Variants in CEACAM3 observed in about 807,000 individuals in gnomAD.
CEACAM3 encodes cell adhesion molecule CEACAM3.
Under a neutral mutation model 30.1 loss-of-function variants are expected in CEACAM3, and 32 were observed. The ratio of observed to expected loss-of-function variants is 1.06; its 90% CI spans 0.80 to 1.43. CEACAM3 has a LOEUF of 1.43. CEACAM3 is among the 40% of genes most tolerant of loss of function. The pLI, the probability that CEACAM3 is intolerant of heterozygous loss-of-function variation, is 0.00. For missense variants in CEACAM3, 290 were observed against 316.3 expected (o/e 0.92, Z 0.63); for synonymous variants, 134 against 127.2 (o/e 1.05, Z -0.36).
At chr19:41,798,857 T>C (rs1419471865) in intron 2 of CEACAM3, among the ~76,000 whole-genome samples, 1 of 151,414 alleles carries the variant, frequency 6.6e-6, no homozygotes, top group Non-Finnish European at 1.5e-5. Flanking sequence ...TCCTACTTAT[T>C]GAAAAAAAAA....
Position 41,796,636 on chromosome 19 carries a change from G to C in CEACAM3, c.-42G>C. 1.9e-6 allele frequency: 3 copies of C among 1,607,292 alleles called. No individual in the cohort carries two copies. Among genetic ancestry groups the C allele is most frequent in the Non-Finnish European group, 2.6e-6 (3 of 1,173,830 alleles). ...CTGACTACAGCATTCCTGGAGCCCA[G>C]GCTCTTTTCCACAGAGGAGGAAAGA... On this transcript the variant is annotated 5_prime_UTR_variant, in exon 1 of 7. Transcript: ENST00000357396.
rs551102889 is a variant in CEACAM3, at chr19:41,804,916, T to C, written c.425-3897T>C. Among the ~76,000 whole-genome samples, 240 of 152,142 alleles carry C rather than the reference T, an allele frequency of 1.6e-3. 2 individuals are homozygous for C. The highest frequency in any genetic ancestry group is 2.5e-3 in the Non-Finnish European group (171 of 67,986). On this transcript the variant is annotated intron_variant, in intron 2 of 6. Coordinates refer to ENST00000357396, the MANE Select transcript of CEACAM3 (RefSeq NM_001815.5). ...AAATTTTTAAGGGCAAAATGGACTATTACAGATGGAGAATCCCAAATCCAA... is the reference window on the plus strand; with the variant it reads ...AAATTTTTAAGGGCAAAATGGACTACTACAGATGGAGAATCCCAAATCCAA...
chr19:41,804,121 G>T (rs10401370), intron 2 of CEACAM3, among the ~76,000 whole-genome samples: 74,655 of 150,992 alleles, frequency 0.49, 21,097 homozygotes, highest in Middle Eastern at 0.73. Flanking sequence ...TGGAAAAGCA[G>T]ATTCAACTTC....
intron 1 of CEACAM3, 110 bp from the exon 2 acceptor site, chr19:41,797,479 C>A: frequency 7.2e-7 from 1 of 1,396,368 alleles, no homozygotes; most frequent in Non-Finnish European, 9.8e-7. Flanking sequence ...GTGGGACACA[C>A]ATACACTCTC....
At chr19:41,804,414 C>T (rs527540855) in intron 2 of CEACAM3, among the ~76,000 whole-genome samples, 3 of 152,252 alleles carry the variant, frequency 2.0e-5, no homozygotes, top group South Asian at 2.1e-4. Flanking sequence ...TTTCCTGAGG[C>T]GTAAAGAAAA....
chr19:41,803,628 G>A (rs1401664295), intron 2 of CEACAM3, among the ~76,000 whole-genome samples: 5 of 151,854 alleles, frequency 3.3e-5, no homozygotes, highest in Non-Finnish European at 5.9e-5. Flanking sequence ...CACCATGCCC[G>A]GCTAATTTTT....
Position 41,806,596 on chromosome 19 carries a change from T to C in CEACAM3, c.425-2217T>C, listed in dbSNP as rs530567314. The stretch of plus-strand genomic sequence containing the variant: ...CTTCTTCTTTCACAGGCAGGCAGCC[T>C]CACAGTCTCTGAGCCCTCAGACGGT... On this transcript the variant is annotated intron_variant, in intron 2 of 6. Transcript: ENST00000357396. 9.8e-5 allele frequency among the ~76,000 whole-genome samples: 15 copies of C among 152,322 alleles called. 1 individual carries two copies. The South Asian group carries it at 3.1e-3, about 32-fold the overall frequency.
At chr19:41,807,072 G>A (rs782314039) in intron 2 of CEACAM3, 93 of 1,608,584 alleles carry the variant, frequency 5.8e-5, no homozygotes, top group Non-Finnish European at 7.6e-5. Flanking sequence ...GGAATCACAG[G>A]TGCCACACAG....
intron 2 of CEACAM3, chr19:41,807,511 T>C: frequency 7.0e-7 from 1 of 1,418,888 alleles, no homozygotes; most frequent in South Asian, 1.3e-5. Context: ...CATCACTTCC[T>C]GTCCCAAGCA....
chr19:41,802,627 G>C (rs782218216), intron 2 of CEACAM3, among the ~76,000 whole-genome samples: 16 of 152,182 alleles, frequency 1.1e-4, no homozygotes, highest in Non-Finnish European at 2.2e-4. Context: ...TCTTTTGTGA[G>C]TCTTAACTCC....
chr19:41,811,366 GGGCAGGGAGGGATGGGGGTCCCTGAT>G lies in CEACAM3; in HGVS notation c.*131_*156del. ...GTCCTGAGAAGACACTGGTGTCTGG[GGGCAGGGAGGGATGGGGGTCCCTGAT>G]GAATATCTGGAGACCTCGACAGCCT... On this transcript the variant is annotated 3_prime_UTR_variant, in exon 7 of 7. Coordinates refer to ENST00000357396, the MANE Select transcript of CEACAM3 (RefSeq NM_001815.5). 1.3e-6 allele frequency: 1 copy of G among 787,482 alleles called. No individual in the cohort carries two copies. Among genetic ancestry groups the G allele is most frequent in the Non-Finnish European group, 2.1e-6 (1 of 470,176 alleles). 48.8% of individuals were successfully genotyped at this position (787,482 alleles called of 1,614,324 possible). A position where few individuals can be genotyped will look rare whatever the true frequency, so the allele number is the denominator to read the frequency against.
intron 2 of CEACAM3, among the ~76,000 whole-genome samples, chr19:41,802,629 C>G (rs1555826133): frequency 6.6e-6 from 1 of 152,176 alleles, no homozygotes; most frequent in African/African-American, 2.4e-5. Context: ...TTTTGTGAGT[C>G]TTAACTCCTA....
chr19:41,811,038 C>T, intron 6 of CEACAM3, 134 bp from the exon 7 acceptor site: 1 of 1,260,376 alleles, frequency 7.9e-7, no homozygotes, highest in East Asian at 2.4e-5. Flanking sequence ...GAGGGAGGGG[C>T]TTGGGAGCAG....
At position 41,811,374 on chromosome 19, in the gene CEACAM3, A is replaced by T; in HGVS notation, c.*137A>T. Reference sequence around the variant, plus strand: ...AAGACACTGGTGTCTGGGGGCAGGGAGGGATGGGGGTCCCTGATGAATATC... The same window carrying T: ...AAGACACTGGTGTCTGGGGGCAGGGTGGGATGGGGGTCCCTGATGAATATC... On this transcript the variant is annotated 3_prime_UTR_variant, in exon 7 of 7. Coordinates refer to ENST00000357396, the MANE Select transcript of CEACAM3 (RefSeq NM_001815.5). 7.0e-6 allele frequency: 5 copies of T among 717,866 alleles called. No individual in the cohort carries two copies. The highest frequency in any genetic ancestry group is 3.9e-4 in the Middle Eastern group (1 of 2,556). The allele number at this position is 717,866 out of a possible 1,614,324, so 44.5% of individuals were successfully genotyped here. A position where few individuals can be genotyped will look rare whatever the true frequency, so the allele number is the denominator to read the frequency against.
chr19:41,798,146 A>T, intron 2 of CEACAM3, 198 bp downstream of exon 2: 1 of 926,354 alleles, frequency 1.1e-6, no homozygotes, highest in South Asian at 1.8e-5. Flanking sequence ...GACCCTGCAG[A>T]CACTCGCTGC....
At position 41,797,951 on chromosome 19, in the gene CEACAM3, G is replaced by T; in HGVS notation, c.424+3G>T. The T allele has an allele frequency of 6.3e-7, 1 of 1,591,836 alleles. No individual in the cohort carries two copies. The highest frequency in any genetic ancestry group is 1.1e-5 in the South Asian group (1 of 87,112). On this transcript the variant is annotated splice_donor_region_variant and intron_variant, in intron 2 of 6. Coordinates refer to ENST00000357396, the MANE Select transcript of CEACAM3 (RefSeq NM_001815.5). The stretch of plus-strand genomic sequence containing the variant: ...AACTGGACAGTTCCATGTATACCGT[G>T]AGTATTTCCACATGACCTCTGGGTG...
At chr19:41,810,401 G>T (rs1555827453) in intron 5 of CEACAM3, 47 bp downstream of exon 5, 11 of 1,563,182 alleles carry the variant, frequency 7.0e-6, no homozygotes, top group Non-Finnish European at 9.6e-6. Context: ...TCCCAGCTGT[G>T]CAGGCTCTGG....
At chr19:41,806,226 C>T (rs1333776712) in intron 2 of CEACAM3, among the ~76,000 whole-genome samples, 1 of 152,098 alleles carries the variant, frequency 6.6e-6, no homozygotes, top group Non-Finnish European at 1.5e-5. Flanking sequence ...CTGGGTTTTT[C>T]GCCATGTTGG....
chr19:41,810,008 C>T lies in CEACAM3; in HGVS notation c.586C>T (p.Leu196Phe). The T allele has an allele frequency of 6.2e-7, 1 of 1,613,900 alleles. No individual in the cohort carries two copies. The highest frequency in any genetic ancestry group is 8.5e-7 in the Non-Finnish European group (1 of 1,179,880). Residue 196 changes from leucine to phenylalanine, a missense_variant, in exon 4 of 7, where the codon CTT becomes TTT. By Grantham distance (22) the Leu-to-Phe change is conservative (BLOSUM62 0). Transcript: ENST00000357396. Reference sequence around the variant, plus strand: ...CCTCAAGGAGCAGCAGCCCCAAGCCCTTGCCCCTGGTGAGTGTCCTCTCAG... The same window carrying T: ...CCTCAAGGAGCAGCAGCCCCAAGCCTTTGCCCCTGGTGAGTGTCCTCTCAG... ...RDLKEQQPQA[L>F]APGRGPSHSS...
Sources: gnomAD v4.1 joint callset for allele counts (sites outside exome capture counted in the v4.1 genomes callset) on GRCh38, gnomAD v4.1.1 for gene constraint, MANE v1.5 for transcripts, NCBI Gene and HGNC (gene_info 2026-07-23, HGNC 2026-07-21) for gene names.